EYA4: variants seen among roughly 807,000 people sequenced by gnomAD.
The protein encoded by EYA4 is EYA transcriptional coactivator and phosphatase 4, also known as protein phosphatase EYA4.
EYA4 carries 31 observed loss-of-function variants against 87.9 expected under a neutral mutation model. That is an observed-to-expected ratio of 0.35 (90% CI 0.27 to 0.48). The LOEUF (loss-of-function observed/expected upper bound fraction) is 0.48. Among genes scored for constraint, EYA4 ranks in the 20% least tolerant of loss-of-function variants. The probability of loss-of-function intolerance (pLI) is 0.99; values close to 1 mark genes in which losing one functional copy is unlikely to be tolerated. For missense variants in EYA4, 678 were observed against 761.4 expected (o/e 0.89, Z 1.29); for synonymous variants, 263 against 270.6 (o/e 0.97, Z 0.28).
rs550640758 is a variant in EYA4 at position 133,396,185 on chromosome 6, C to T, written c.83+13744C>T. Among the ~76,000 whole-genome samples, 17 of 152,288 alleles carry T rather than the reference C, an allele frequency of 1.1e-4. No individual in the cohort carries two copies. The South Asian group carries it at 3.5e-3, about 32-fold the overall frequency. On this transcript the variant is annotated intron_variant, in intron 3 of 19. Coordinates refer to ENST00000355286, the MANE Select transcript of EYA4 (RefSeq NM_004100.5). Reference sequence around the variant, plus strand: ...GGCTTGGCTTCCATAGGAAGCTCTTCTAATGCATTCTGTCATGTGATTAAT... The same window carrying T: ...GGCTTGGCTTCCATAGGAAGCTCTTTTAATGCATTCTGTCATGTGATTAAT...
chr6:133,275,084 T>C (rs1777055856), intron 2 of EYA4, among the ~76,000 whole-genome samples: 1 of 152,184 alleles, frequency 6.6e-6, no homozygotes, highest in South Asian at 2.1e-4. Context: ...ATGCATGTTT[T>C]AGACAGTCTA....
intron 13 of EYA4, among the ~76,000 whole-genome samples, chr6:133,488,140 G>A (rs769283686): frequency 5.9e-5 from 9 of 152,188 alleles, no homozygotes; most frequent in Non-Finnish European, 1.2e-4. Flanking sequence ...GGTCATGGGA[G>A]AGAATTTTCT....
intron 2 of EYA4, among the ~76,000 whole-genome samples, chr6:133,305,916 G>A (rs886993240): frequency 2.6e-5 from 4 of 152,188 alleles, no homozygotes; most frequent in African/African-American, 9.7e-5. Context: ...TGAAGGACAT[G>A]TCTGTTATAT....
At chr6:133,410,905 C>G (rs541409570) in intron 3 of EYA4, among the ~76,000 whole-genome samples, 2 of 152,090 alleles carry the variant, frequency 1.3e-5, no homozygotes, top group South Asian at 4.2e-4. Flanking sequence ...AGTAGCAGTA[C>G]TGAAGTTGGA....
chr6:133,452,329 TTAAAC>T (rs1270678420), intron 5 of EYA4, among the ~76,000 whole-genome samples: 1 of 152,132 alleles, frequency 6.6e-6, no homozygotes, highest in African/African-American at 2.4e-5. Context: ...TAATCTATGT[TTAAAC>T]TACACTGATT....
At chr6:133,243,083 C>T (rs1314796231) in intron 1 of EYA4, among the ~76,000 whole-genome samples, 1 of 82,928 alleles carries the variant, frequency 1.2e-5, no homozygotes, top group Non-Finnish European at 2.5e-5. Flanking sequence ...CCACGTGGAG[C>T]AACTTCGTGT....
intron 10 of EYA4, among the ~76,000 whole-genome samples, chr6:133,467,030 T>C (rs1012740697): frequency 6.6e-6 from 1 of 152,046 alleles, no homozygotes; most frequent in Non-Finnish European, 1.5e-5. Flanking sequence ...AGGAGATAAA[T>C]TTAAAAATGA....
chr6:133,463,216 C>T (rs536489082), intron 9 of EYA4, among the ~76,000 whole-genome samples: 1 of 152,082 alleles, frequency 6.6e-6, no homozygotes, highest in African/African-American at 2.4e-5. Context: ...TTGTTCATTC[C>T]TAAAATTCCT....
intron 4 of EYA4, 33 bp from the exon 5 acceptor site, chr6:133,448,078 G>A: frequency 1.3e-6 from 2 of 1,547,080 alleles, no homozygotes; most frequent in Non-Finnish European, 1.8e-6. Flanking sequence ...CAGGCATTCA[G>A]ACAATGAACT....
chr6:133,520,748 A>G (rs1002302672), intron 17 of EYA4, among the ~76,000 whole-genome samples: 7 of 152,136 alleles, frequency 4.6e-5, no homozygotes, highest in Non-Finnish European at 7.3e-5. Context: ...CTACAAGGCT[A>G]CAGTAACCAA....
intron 2 of EYA4, among the ~76,000 whole-genome samples, chr6:133,349,186 A>G (rs1783444822): frequency 6.6e-6 from 1 of 152,224 alleles, no homozygotes; most frequent in Admixed American, 6.5e-5. Context: ...TTTCCAAAAT[A>G]TCTTTTGAAT....
chr6:133,420,649 G>A (rs1790140944), intron 3 of EYA4, among the ~76,000 whole-genome samples: 1 of 152,116 alleles, frequency 6.6e-6, no homozygotes, highest in Admixed American at 6.5e-5. Flanking sequence ...TCCAAAGCAG[G>A]GACAACCTTG....
At chr6:133,255,054 C>T (rs569087173) in intron 1 of EYA4, among the ~76,000 whole-genome samples, 3 of 152,152 alleles carry the variant, frequency 2.0e-5, no homozygotes, top group Non-Finnish European at 4.4e-5. Flanking sequence ...AGCATGTGTA[C>T]ATGGGGAATA....
At chr6:133,279,938 C>T (rs1028711816) in intron 2 of EYA4, among the ~76,000 whole-genome samples, 1 of 152,062 alleles carries the variant, frequency 6.6e-6, no homozygotes, top group Non-Finnish European at 1.5e-5. Context: ...TTGTTTAAAT[C>T]ATTTTTCTAT....
At chr6:133,487,351 A>G (rs951313352) in intron 13 of EYA4, among the ~76,000 whole-genome samples, 13 of 152,152 alleles carry the variant, frequency 8.5e-5, no homozygotes, top group African/African-American at 3.1e-4. Flanking sequence ...CTGGGCTTGA[A>G]GCCAGTGGAC....
chr6:133,276,651 T>C (rs1777188323), intron 2 of EYA4, among the ~76,000 whole-genome samples: 1 of 152,162 alleles, frequency 6.6e-6, no homozygotes, highest in Admixed American at 6.6e-5. Flanking sequence ...TAGGGAGACC[T>C]GCCTACCCTC....
intron 3 of EYA4, among the ~76,000 whole-genome samples, chr6:133,429,983 A>G (rs1249817727): frequency 6.7e-6 from 1 of 150,000 alleles, no homozygotes. Context: ...TTGTGAACAC[A>G]GCACCCAACA....
At chr6:133,527,725 A>C (rs1304417164) in intron 19 of EYA4, among the ~76,000 whole-genome samples, 7 of 152,186 alleles carry the variant, frequency 4.6e-5, no homozygotes, top group Admixed American at 1.3e-4. Context: ...TATAGCAATA[A>C]GGATTATTAT....
chr6:133,287,087 G>C (rs1007467569), intron 2 of EYA4, among the ~76,000 whole-genome samples: 4 of 152,102 alleles, frequency 2.6e-5, no homozygotes, highest in Non-Finnish European at 4.4e-5. Context: ...TTTCCAATGA[G>C]TGTTTTATTT....
Sources: allele counts gnomAD v4.1 joint callset (sites outside exome capture counted in the v4.1 genomes callset), GRCh38; gene constraint gnomAD v4.1.1; transcripts MANE v1.5; gene names NCBI Gene and HGNC (gene_info 2026-07-23, HGNC 2026-07-21).